NCOA2: variants seen among roughly 807,000 people sequenced by gnomAD.
The protein encoded by NCOA2 is nuclear receptor coactivator 2, also known as class E basic helix-loop-helix protein 75.
NCOA2 carries 21 observed loss-of-function variants against 145.1 expected under a neutral mutation model. That is an observed-to-expected ratio of 0.14 (90% CI 0.10 to 0.21). NCOA2 has a LOEUF of 0.21. NCOA2 is among the 10% of genes least tolerant of loss of function. The pLI is 1.00. For synonymous variants in NCOA2, 619 were observed against 637.5 expected (o/e 0.97, Z 0.44); for missense variants, 1,472 against 1,837.6 (o/e 0.80, Z 3.64).
the NCOA2 span, among the ~76,000 whole-genome samples, chr8:70,441,124 GA>G: frequency 3.4e-4 from 1 of 2,944 alleles, no homozygotes; most frequent in African/African-American, 4.5e-4. Context: ...GAAAGAAAGA[GA>G]AAGAAAGAAA....
chr8:70,313,892 C>T (rs1347594086), intron 1 of NCOA2, among the ~76,000 whole-genome samples: 3 of 152,030 alleles, frequency 2.0e-5, no homozygotes. Flanking sequence ...AACTGCTGGC[C>T]GGGCAAGGCG....
chr8:70,248,450 C>T lies in NCOA2; in HGVS notation c.-19-31686G>A, dbSNP rs569168379. Among the ~76,000 whole-genome samples the T allele has an allele frequency of 6.3e-4, 96 of 152,264 alleles. 1 individual carries two copies. Among genetic ancestry groups the T allele is most frequent in the African/African-American group, 2.3e-3 (95 of 41,542 alleles). On this transcript the variant is annotated intron_variant, in intron 2 of 22. Coordinates refer to ENST00000452400, the MANE Select transcript of NCOA2 (RefSeq NM_006540.4). ...TTACCACAGATTAGTTTTGCTTTGTCTAGAACTTTAAATAAATGAAATCAT... is the reference window on the plus strand; with the variant it reads ...TTACCACAGATTAGTTTTGCTTTGTTTAGAACTTTAAATAAATGAAATCAT...
At chr8:70,411,859 A>G in the NCOA2 span, among the ~76,000 whole-genome samples, 3 of 152,192 alleles carry the variant, frequency 2.0e-5, no homozygotes, top group Admixed American at 6.5e-5. Context: ...CATGAGAGAG[A>G]TTTGGGGATT....
At chr8:70,215,180 G>C (rs1359596473) in intron 3 of NCOA2, among the ~76,000 whole-genome samples, 1 of 152,022 alleles carries the variant, frequency 6.6e-6, no homozygotes, top group African/African-American at 2.4e-5. Context: ...GTAAAGAGTG[G>C]CTGGAATGCT....
the NCOA2 span, among the ~76,000 whole-genome samples, chr8:70,425,323 G>A: frequency 6.6e-6 from 1 of 152,038 alleles, no homozygotes; most frequent in African/African-American, 2.4e-5. Context: ...TTGGGGTACA[G>A]GTGGTTTTTG....
intron 1 of NCOA2, among the ~76,000 whole-genome samples, chr8:70,367,255 G>A (rs1810792419): frequency 6.6e-6 from 1 of 152,110 alleles, no homozygotes; most frequent in Non-Finnish European, 1.5e-5. Flanking sequence ...TGCTGACCTT[G>A]TTTAAGTTTG....
chr8:70,127,530 AACGC>A (rs1186471022), intron 18 of NCOA2, among the ~76,000 whole-genome samples: 10 of 152,148 alleles, frequency 6.6e-5, no homozygotes, highest in Admixed American at 6.5e-4. Flanking sequence ...GCCTGATAAG[AACGC>A]ACAGAGACCG....
chr8:70,271,233 G>C (rs889768169), intron 2 of NCOA2, among the ~76,000 whole-genome samples: 1 of 152,124 alleles, frequency 6.6e-6, no homozygotes, highest in Non-Finnish European at 1.5e-5. Context: ...TATAGTAAAT[G>C]ACAGATTTGC....
chr8:70,122,754 T>A (rs1470615687), intron 21 of NCOA2, among the ~76,000 whole-genome samples: 1 of 152,274 alleles, frequency 6.6e-6, no homozygotes, highest in Admixed American at 6.5e-5. Context: ...GTAATAGTTC[T>A]TAAAATTTTC....
At chr8:70,158,767 A>C (rs1178459766) in intron 10 of NCOA2, among the ~76,000 whole-genome samples, 2 of 152,162 alleles carry the variant, frequency 1.3e-5, no homozygotes, top group African/African-American at 2.4e-5. Flanking sequence ...AAAACAAAAA[A>C]CAAAACAAAA....
chr8:70,315,126 G>C (rs941632415), intron 1 of NCOA2, among the ~76,000 whole-genome samples: 1 of 152,184 alleles, frequency 6.6e-6, no homozygotes, highest in African/African-American at 2.4e-5. Context: ...TGATTATAAA[G>C]GGATGATCAT....
chr8:70,435,633 C>A, the NCOA2 span, among the ~76,000 whole-genome samples: 1 of 151,014 alleles, frequency 6.6e-6, no homozygotes, highest in African/African-American at 2.4e-5. Context: ...TAAATTCACA[C>A]ATGTAAAATA....
chr8:70,423,203 G>A, the NCOA2 span, among the ~76,000 whole-genome samples: 17 of 151,878 alleles, frequency 1.1e-4, no homozygotes, highest in Non-Finnish European at 1.8e-4. Context: ...TTTGTTTTGA[G>A]ACAGAGTTTT....
At chr8:70,263,035 C>T (rs1454543022) in intron 2 of NCOA2, among the ~76,000 whole-genome samples, 1 of 151,478 alleles carries the variant, frequency 6.6e-6, no homozygotes, top group African/African-American at 2.4e-5. Flanking sequence ...TTGTCAATAA[C>T]TTTCACTTTT....
chr8:70,334,616 G>A (rs1226593099), intron 1 of NCOA2, among the ~76,000 whole-genome samples: 1 of 152,144 alleles, frequency 6.6e-6, no homozygotes, highest in Non-Finnish European at 1.5e-5. Context: ...AGGGAAGGGG[G>A]TTGTAGACTT....
intron 1 of NCOA2, among the ~76,000 whole-genome samples, chr8:70,303,196 T>C (rs937379018): frequency 6.6e-6 from 1 of 152,172 alleles, no homozygotes; most frequent in Non-Finnish European, 1.5e-5. Context: ...CTTGAATCCA[T>C]AGAAATGGTT....
chr8:70,268,014 C>T (rs1334321802), intron 2 of NCOA2, among the ~76,000 whole-genome samples: 3 of 152,174 alleles, frequency 2.0e-5, no homozygotes, highest in African/African-American at 7.2e-5. Context: ...AGCTAGCCTA[C>T]CTGGTTTTTC....
the NCOA2 span, among the ~76,000 whole-genome samples, chr8:70,431,264 T>C: frequency 1.3e-5 from 2 of 152,160 alleles, no homozygotes; most frequent in Admixed American, 1.3e-4. Context: ...TATACATTAT[T>C]CTATTGAACT....
At chr8:70,269,954 TA>T (rs913803992) in intron 2 of NCOA2, among the ~76,000 whole-genome samples, 1 of 152,212 alleles carries the variant, frequency 6.6e-6, no homozygotes, top group African/African-American at 2.4e-5. Flanking sequence ...CGGCAACCAG[TA>T]AAAATGTTTC....
Sources: gnomAD v4.1 joint callset for allele counts (sites outside exome capture counted in the v4.1 genomes callset) on GRCh38, gnomAD v4.1.1 for gene constraint, MANE v1.5 for transcripts, NCBI Gene and HGNC (gene_info 2026-07-23, HGNC 2026-07-21) for gene names.